Variants in IGF2R observed in about 807,000 individuals in gnomAD.
The protein encoded by IGF2R is insulin like growth factor 2 receptor.
IGF2R carries 91 observed loss-of-function variants against 270.6 expected under a neutral mutation model. The ratio of observed to expected loss-of-function variants is 0.34; its 90% CI spans 0.28 to 0.40. The LOEUF (loss-of-function observed/expected upper bound fraction) is 0.40. Ranked by LOEUF, IGF2R falls within the 10% of genes least tolerant of loss-of-function variation. The probability of loss-of-function intolerance (pLI) is 1.00; values close to 1 mark genes in which losing one functional copy is unlikely to be tolerated. For synonymous variants in IGF2R, 1,316 were observed against 1,258.9 expected (o/e 1.05, Z -0.96); for missense variants, 2,805 against 3,188.3 (o/e 0.88, Z 2.90).
chr6:160,024,301 C>T (rs573675718), intron 4 of IGF2R, among the ~76,000 whole-genome samples: 25 of 151,928 alleles, frequency 1.6e-4, no homozygotes, highest in African/African-American at 5.6e-4. Context: ...GGCATGCTGA[C>T]GGAAACGATC....
chr6:160,068,801 TC>T (rs1778649053), intron 30 of IGF2R, among the ~76,000 whole-genome samples: 1 of 152,070 alleles, frequency 6.6e-6, no homozygotes, highest in Non-Finnish European at 1.5e-5. Context: ...TCAGGGAAGA[TC>T]AAGTAGGATG....
intron 30 of IGF2R, 39 bp downstream of exon 30, chr6:160,068,424 A>G: frequency 6.2e-7 from 1 of 1,608,034 alleles, no homozygotes; most frequent in Non-Finnish European, 8.5e-7. Flanking sequence ...GTTTGCAGTG[A>G]GTGTATCACA....
At chr6:160,104,653 T>C in intron 47 of IGF2R, 21 bp from the exon 48 acceptor site, 2 of 1,600,924 alleles carry the variant, frequency 1.2e-6, no homozygotes, top group Non-Finnish European at 1.7e-6. Context: ...TCACGTGGTC[T>C]CTGCTGTTGA....
At chr6:160,021,140 G>A (rs927118939) in intron 4 of IGF2R, among the ~76,000 whole-genome samples, 10 of 152,000 alleles carry the variant, frequency 6.6e-5, no homozygotes, top group African/African-American at 1.9e-4. Context: ...AGCAAAGGAC[G>A]TGAACAAACA....
chr6:160,061,893 T>G lies in IGF2R; in HGVS notation c.3547T>G (p.Ser1183Ala). The G allele has an allele frequency of 6.2e-7, 1 of 1,614,198 alleles. No individual in the cohort carries two copies. Among genetic ancestry groups the G allele is most frequent in the African/African-American group, 1.3e-5 (1 of 75,048 alleles). Reference sequence around the variant, plus strand: ...TGACAAGTGTGGGAACCAGCGCTTCTCCACCAGGATCACGTTTGAGTGTGC... The same window carrying G: ...TGACAAGTGTGGGAACCAGCGCTTCGCCACCAGGATCACGTTTGAGTGTGC... The part of the protein sequence containing the change: ...NGDKCGNQRF[S>A]TRITFECAQI... The change falls in exon 25 of 48, where the codon TCC becomes GCC. Residue 1183 changes from serine to alanine, a missense_variant. Around this residue, in one of 2 missense-constraint regions of IGF2R, gnomAD observed 1,851 missense variants for 2,207.2 expected, o/e 0.84. Coordinates refer to ENST00000356956, the MANE Select transcript of IGF2R (RefSeq NM_000876.4).
At chr6:160,055,883 C>T (rs1218528799) in intron 19 of IGF2R, among the ~76,000 whole-genome samples, 1 of 152,104 alleles carries the variant, frequency 6.6e-6, no homozygotes, top group Non-Finnish European at 1.5e-5. Context: ...TTTATGGAAA[C>T]ATACACACCG....
intron 30 of IGF2R, among the ~76,000 whole-genome samples, chr6:160,069,308 G>A (rs577309049): frequency 2.6e-5 from 4 of 152,198 alleles, no homozygotes; most frequent in Admixed American, 1.3e-4. Flanking sequence ...CCTCAAAGGC[G>A]GTGTGGTTAT....
rs1779135755 is a variant in IGF2R, at chr6:160,088,156, A to G, written c.6320+9A>G. The stretch of plus-strand genomic sequence containing the variant: ...AGACCTGCATTCAAGAGGTCAGGAG[A>G]CTGGGGGCTCAGAGCGGGACTGTGC... On this transcript the variant is annotated intron_variant, in intron 42 of 47. Transcript: ENST00000356956. 1.3e-6 allele frequency: 2 copies of G among 1,513,008 alleles called. No individual in the cohort carries two copies. Among genetic ancestry groups the G allele is most frequent in the Non-Finnish European group, 1.8e-6 (2 of 1,088,134 alleles). 93.7% of individuals were successfully genotyped at this position (1,513,008 alleles called of 1,614,324 possible).
intron 6 of IGF2R, among the ~76,000 whole-genome samples, chr6:160,028,725 T>C (rs1201995864): frequency 1.3e-5 from 2 of 152,144 alleles, no homozygotes. Context: ...GCTGTGGGGT[T>C]AAGACAAAAC....
At chr6:160,068,767 G>A (rs1398490531) in intron 30 of IGF2R, among the ~76,000 whole-genome samples, 1 of 152,232 alleles carries the variant, frequency 6.6e-6, no homozygotes, top group Non-Finnish European at 1.5e-5. Flanking sequence ...CCTCTTCATG[G>A]GGTGGTGGCT....
chr6:160,021,052 C>T (rs1004987073), intron 4 of IGF2R, among the ~76,000 whole-genome samples: 1 of 152,112 alleles, frequency 6.6e-6, no homozygotes, highest in Non-Finnish European at 1.5e-5. Flanking sequence ...ACTCTACATT[C>T]AACAAAGGAT....
Position 160,061,766 on chromosome 6 carries a change from G to T in IGF2R, c.3420G>T (p.Gly1140=), listed in dbSNP as rs1778444348. The T allele has an allele frequency of 6.2e-7, 1 of 1,614,038 alleles. No homozygotes were observed. The highest frequency in any genetic ancestry group is 8.5e-7 in the Non-Finnish European group (1 of 1,180,052). Residue 1140 remains glycine (G), a synonymous_variant, in exon 25 of 48, where the codon GGG becomes GGT. Transcript: ENST00000356956. ...CTGTTCTTCCAGGCAGCGCAGTGGG[G>T]TCTTGCTTAGTGTCAGAAGGCAATA... is the stretch of plus-strand genomic sequence containing the variant. ...YIPGCQGSAV[G]SCLVSEGNSW... is the part of the protein sequence containing the mutation.
chr6:159,989,420 C>T (rs1354898302), intron 1 of IGF2R, among the ~76,000 whole-genome samples: 2 of 152,138 alleles, frequency 1.3e-5, no homozygotes, highest in South Asian at 2.1e-4. Context: ...GTGCTTCTGT[C>T]GTCAAGGGAG....
chr6:160,087,491 G>A (rs1017383869), intron 41 of IGF2R, among the ~76,000 whole-genome samples: 4 of 152,222 alleles, frequency 2.6e-5, no homozygotes, highest in Non-Finnish European at 5.9e-5. Flanking sequence ...ACGGGAGTAG[G>A]AGGGTTTGGG....
intron 4 of IGF2R, among the ~76,000 whole-genome samples, chr6:160,022,959 C>T (rs1405151947): frequency 2.0e-5 from 3 of 151,994 alleles, no homozygotes; most frequent in East Asian, 1.9e-4. Context: ...AGTGTGGCTG[C>T]GTTGAGTGAG....
At chr6:159,980,231 G>GAA (rs752177592) in intron 1 of IGF2R, among the ~76,000 whole-genome samples, 1 of 114,426 alleles carries the variant, frequency 8.7e-6, no homozygotes, top group Non-Finnish European at 2.0e-5. Context: ...AAGAAAGAAA[G>GAA]AAAGAAAGGT....
Position 160,058,147 on chromosome 6 carries a change from C to T in IGF2R, c.2898+23C>T, listed in dbSNP as rs780073095. On this transcript the variant is annotated intron_variant, in intron 21 of 47. Coordinates refer to ENST00000356956, the MANE Select transcript of IGF2R (RefSeq NM_000876.4). ...ATGGTAAGAGCGATATGATGCATTT[C>T]CAGTTTGCTTTGAAACAGGGGGAGA... 19 of 1,511,716 alleles carry T rather than the reference C, an allele frequency of 1.3e-5. 1 individual carries two copies. Among genetic ancestry groups the T allele is most frequent in the Middle Eastern group, 3.4e-4 (2 of 5,894 alleles). The allele number at this position is 1,511,716 out of a possible 1,614,324, so 93.6% of individuals were successfully genotyped here.
intron 29 of IGF2R, among the ~76,000 whole-genome samples, chr6:160,065,804 G>GTATATA (rs1562364384): frequency 3.3e-5 from 2 of 61,538 alleles, no homozygotes; most frequent in Non-Finnish European, 6.1e-5. Flanking sequence ...GTGTGTGTGT[G>GTATATA]TGTGTGTGTG....
In IGF2R at chr6:160,010,671, T is replaced by C. The variant is rs760282651; in HGVS notation, c.415-16T>C. On this transcript the variant is annotated splice_polypyrimidine_tract_variant and intron_variant, in intron 3 of 47. Transcript: ENST00000356956. ...TGTGGTATGGTAACATTATAATTAC[T>C]ATTTTTTTTTAATAGGGAACTCCTG... is the stretch of plus-strand genomic sequence containing the variant. 2.1e-6 allele frequency: 3 copies of C among 1,408,232 alleles called. No individual in the cohort carries two copies. The highest frequency in any genetic ancestry group is 3.0e-6 in the Non-Finnish European group (3 of 993,874). The allele number at this position is 1,408,232 out of a possible 1,614,324, so 87.2% of individuals were successfully genotyped here.
Sources: gnomAD v4.1 joint callset for allele counts (sites outside exome capture counted in the v4.1 genomes callset) on GRCh38, gnomAD v4.1.1 for gene constraint, gnomAD v4.1.1 regional missense constraint, MANE v1.5 for transcripts, NCBI Gene and HGNC (gene_info 2026-07-23, HGNC 2026-07-21) for gene names.